RBM10: variants seen among roughly 807,000 people sequenced by gnomAD.
RBM10 encodes the protein RNA-binding protein 10.
RBM10 carries 1 observed loss-of-function variant against 84.9 expected under a neutral mutation model. That is an observed-to-expected ratio of 0.01 (90% confidence interval 0.00 to 0.06). The LOEUF (loss-of-function observed/expected upper bound fraction) is 0.06, where lower values mean the gene tolerates loss of function less well. Among genes scored for constraint, RBM10 ranks in the 10% least tolerant of loss-of-function variants. The pLI is 1.00. For missense variants in RBM10, 438 were observed against 839.0 expected (o/e 0.52, Z 5.90); for synonymous variants, 326 against 344.5 (o/e 0.95, Z 0.60).
chrX:47,147,699 C>T (rs1932417830), intron 2 of RBM10, among the ~76,000 whole-genome samples: 1 of 111,183 alleles, frequency 9.0e-6, no homozygotes, highest in Non-Finnish European at 1.9e-5. Context: ...ATGAATGAGA[C>T]ATGAGATTGC....
At chrX:47,176,625 C>T (rs1372266238) in intron 7 of RBM10, 39 bp downstream of exon 7, 1 of 1,208,182 alleles carries the variant, frequency 8.3e-7, no homozygotes, top group Non-Finnish European at 1.1e-6. Flanking sequence ...TGGACAGAGA[C>T]AGCAACAGCA....
chrX:47,177,014 T>C (rs1161298002), intron 7 of RBM10, among the ~76,000 whole-genome samples: 2 of 111,827 alleles, frequency 1.8e-5, no homozygotes, highest in Admixed American at 1.9e-4. Context: ...GCCAAGGTGC[T>C]TAGCCTCTCT....
chrX:47,145,581 G>T (rs1177717506), intron 1 of RBM10, 96 bp downstream of exon 1: 30 of 894,245 alleles, frequency 3.4e-5, no homozygotes, highest in Non-Finnish European at 4.5e-5. Context: ...GGGGAGATGC[G>T]CGGAACGGAG....
chrX:47,178,046 C>T (rs1347440108), intron 7 of RBM10, among the ~76,000 whole-genome samples: 7 of 111,334 alleles, frequency 6.3e-5, no homozygotes, highest in Admixed American at 3.8e-4. Flanking sequence ...CCAATCGTCA[C>T]GCTCTCACCC....
chrX:47,174,989 A>G, intron 5 of RBM10, 30 bp from the exon 6 acceptor site: 1 of 1,184,514 alleles, frequency 8.4e-7, no homozygotes, highest in Non-Finnish European at 1.1e-6. Flanking sequence ...TGACTAACCC[A>G]CTGCGTCTGT....
chrX:47,157,776 A>G, intron 2 of RBM10: 1 of 380,518 alleles, frequency 2.6e-6, no homozygotes, highest in Non-Finnish European at 4.6e-6. Flanking sequence ...GTTCAGCTGC[A>G]TGACTTTTTT....
chrX:47,181,587 G>A lies in RBM10; in HGVS notation c.1516G>A (p.Gly506Ser), dbSNP rs781894487. The A allele has an allele frequency of 8.3e-7, 1 of 1,209,076 alleles. No homozygotes were observed. ...FSRAQPGAAPGIYQQSAEASS... is the reference protein window; with the variant it reads ...FSRAQPGAAPSIYQQSAEASS... ...TCGCGCCCAGCCTGGTGCTGCTCCT[G>A]GCATCTACCAACAATCAGCCGAGGC... The change falls in exon 14 of 24, where the codon GGC becomes AGC. Residue 506 changes from glycine to serine, a missense_variant. Coordinates refer to ENST00000377604, the MANE Select transcript of RBM10 (RefSeq NM_005676.5).
rs377472320 is a variant in RBM10 at position 47,147,541 on chromosome X, G to A, written c.17+43G>A. The A allele has an allele frequency of 6.7e-6, 8 of 1,197,288 alleles. No homozygotes were observed. In the African/African-American group the frequency reaches 8.8e-5, roughly 13 times the overall value. ...AGCTTCCCAGACAGCCTAGGCTTGC[G>A]TCTATGTGAGAATTGATCCAAGAAG... On this transcript the variant is annotated intron_variant, in intron 2 of 23. Transcript: ENST00000377604.
intron 7 of RBM10, among the ~76,000 whole-genome samples, chrX:47,177,733 G>C (rs1556776848): frequency 9.0e-6 from 1 of 110,967 alleles, no homozygotes; most frequent in African/African-American, 3.3e-5. Context: ...CTCCAGAGTA[G>C]CTGGGACCAC....
chrX:47,155,783 A>C (rs1602506551), intron 2 of RBM10, among the ~76,000 whole-genome samples: 1 of 100,993 alleles, frequency 9.9e-6, no homozygotes, highest in Non-Finnish European at 2.0e-5. Flanking sequence ...ATACCCATCC[A>C]CTAGATTCTT....
chrX:47,181,160 A>T (rs1315569116), intron 12 of RBM10, 55 bp from the exon 13 acceptor site: 2 of 44,217 alleles, frequency 4.5e-5, no homozygotes, highest in African/African-American at 1.4e-4. Flanking sequence ...CAGGTTCCCC[A>T]CCCCCCACCC....
chrX:47,151,064 T>G (rs1430480908), intron 2 of RBM10, among the ~76,000 whole-genome samples: 1 of 455 alleles, frequency 2.2e-3, no homozygotes, highest in Non-Finnish European at 4.9e-3. Context: ...TTTCATTATC[T>G]TTTTTTTTTT....
chrX:47,161,759 C>G (rs1231437735), intron 2 of RBM10, among the ~76,000 whole-genome samples: 1 of 107,748 alleles, frequency 9.3e-6, no homozygotes, highest in Non-Finnish European at 1.9e-5. Flanking sequence ...CTTGAACTCC[C>G]GGGCTCGAGC....
intron 2 of RBM10, among the ~76,000 whole-genome samples, chrX:47,163,649 G>C (rs782452340): frequency 2.0e-4 from 22 of 109,196 alleles, no homozygotes; most frequent in Admixed American, 1.9e-3. Flanking sequence ...AAGTCTCTCT[G>C]AACCTATTCT....
Position 47,186,156 on chromosome X carries a change from T to C in RBM10, c.2522T>C (p.Ile841Thr), listed in dbSNP as rs142585482. 38 of 1,211,835 alleles carry C rather than the reference T, an allele frequency of 3.1e-5. No individual in the cohort carries two copies. Among genetic ancestry groups the C allele is most frequent in the Non-Finnish European group, 3.8e-5 (34 of 895,545 alleles). The change falls in exon 22 of 24, where the codon ATA becomes ACA. Residue 841 changes from isoleucine (I) to threonine (T), a missense_variant. Physicochemically the swap from Ile to Thr is moderately conservative, Grantham distance 89. Around this residue, in one of 8 missense-constraint regions of RBM10, gnomAD observed 92 missense variants for 199.9 expected, o/e 0.46. Coordinates refer to ENST00000377604, the MANE Select transcript of RBM10 (RefSeq NM_005676.5). ...PEPKRRKYGG[I>T]STASVDFEQP... is the part of the protein sequence containing the mutation. ...CCCAAGAGGAGGAAGTACGGCGGCA[T>C]ATCCACAGCCTCTGTGTGAGTGGCT...
intron 17 of RBM10, among the ~76,000 whole-genome samples, chrX:47,184,707 G>T (rs374643281): frequency 1.8e-5 from 2 of 111,540 alleles, no homozygotes; most frequent in African/African-American, 6.5e-5. Context: ...GGGGGTGGGG[G>T]CACAGGGTGT....
At chrX:47,149,567 T>G (rs1556763042) in intron 2 of RBM10, among the ~76,000 whole-genome samples, 1 of 105,338 alleles carries the variant, frequency 9.5e-6, no homozygotes, top group African/African-American at 3.5e-5. Flanking sequence ...TCCATGCTGG[T>G]CAGGCTGGTC....
At position 47,179,935 on chromosome X, in the gene RBM10, C is replaced by T. The variant is rs781932081; in HGVS notation, c.957C>T (p.Ala319=). The change falls in exon 10 of 24, where the codon GCC becomes GCT. Residue 319 remains alanine, a synonymous_variant. Coordinates refer to ENST00000377604, the MANE Select transcript of RBM10 (RefSeq NM_005676.5). ...PHSTMDSILG[A]LAPYAVLSSS... ...GCACCATGGATTCCATCCTGGGGGC[C>T]CTGGCACCCTACGCGGTGCTGTCCT... 8.3e-7 allele frequency: 1 copy of T among 1,210,489 alleles called. No homozygotes were observed. The highest frequency in any genetic ancestry group is 1.8e-5 in the South Asian group (1 of 56,863).
intron 2 of RBM10, among the ~76,000 whole-genome samples, chrX:47,160,239 A>G (rs1340850155): frequency 8.9e-6 from 1 of 112,712 alleles, no homozygotes; most frequent in African/African-American, 3.2e-5. Context: ...AGCAATTGCA[A>G]CAAAACCAAA....
Sources: allele counts gnomAD v4.1 joint callset (sites outside exome capture counted in the v4.1 genomes callset), GRCh38; gene constraint gnomAD v4.1.1; regional missense constraint gnomAD v4.1.1; transcripts MANE v1.5; gene names NCBI Gene and HGNC (gene_info 2026-07-23, HGNC 2026-07-21).